KIRREL3: variants seen among roughly 807,000 people sequenced by gnomAD.
KIRREL3 encodes the protein kirre like nephrin family adhesion molecule 3.
In KIRREL3, 36 loss-of-function variants were observed where a neutral mutation model predicts 89.7. The ratio of observed to expected loss-of-function variants is 0.40; its 90% confidence interval spans 0.31 to 0.53. The LOEUF (loss-of-function observed/expected upper bound fraction) is 0.53, where lower values mean the gene tolerates loss of function less well. KIRREL3 is among the 20% of genes least tolerant of loss of function. The pLI, the probability that KIRREL3 is intolerant of heterozygous loss-of-function variation, is 0.49. For synonymous variants in KIRREL3, 445 were observed against 441.4 expected (o/e 1.01, Z -0.10); for missense variants, 864 against 1,056.6 (o/e 0.82, Z 2.53).
chr11:126,824,721 C>A (rs970079671), intron 1 of KIRREL3, among the ~76,000 whole-genome samples: 4 of 152,166 alleles, frequency 2.6e-5, no homozygotes, highest in Non-Finnish European at 5.9e-5. Flanking sequence ...GAAGAATAAC[C>A]ATTTATGCCT....
In KIRREL3 at chr11:126,769,941, C is replaced by T. The variant is rs760461068; in HGVS notation, c.56-207029G>A. ...CGGAGTGTTGGGCACATAGCTAGAG[C>T]TCTGTGGATATTAGCTGTTGATTAT... On this transcript the variant is annotated intron_variant, in intron 1 of 16. Coordinates refer to ENST00000525144, the MANE Select transcript of KIRREL3 (RefSeq NM_032531.4). The surrounding 1 kb of genome is among the most constrained non-coding windows in gnomAD (Gnocchi z 4.3). Among the ~76,000 whole-genome samples the T allele has an allele frequency of 1.3e-5, 2 of 152,154 alleles. No homozygotes were observed. Among genetic ancestry groups the T allele is most frequent in the Admixed American group, 6.5e-5 (1 of 15,284 alleles).
At chr11:126,923,209 T>TCTA (rs1565423517) in intron 1 of KIRREL3, among the ~76,000 whole-genome samples, 1 of 11,608 alleles carries the variant, frequency 8.6e-5, no homozygotes, top group Non-Finnish European at 1.6e-4. Context: ...TTCTTCTTCT[T>TCTA]CTTCTTCTTC....
chr11:126,669,956 C>G lies in KIRREL3; in HGVS notation c.56-107044G>C, dbSNP rs1044886609. 6.6e-6 allele frequency among the ~76,000 whole-genome samples: 1 copy of G among 152,200 alleles called. No homozygotes were observed. Among genetic ancestry groups the G allele is most frequent in the Admixed American group, 6.5e-5 (1 of 15,276 alleles). On this transcript the variant is annotated intron_variant, in intron 1 of 16. Coordinates refer to ENST00000525144, the MANE Select transcript of KIRREL3 (RefSeq NM_032531.4). This position sits in a 1 kb window ranked among gnomAD's most constrained non-coding sequence, Gnocchi z 5.0. ...TTCAGCATGTCAGTGCATTGCAGCA[C>G]CATCCACCCCGTTGCTCAAGCTCAT...
chr11:126,712,823 A>G (rs1256004471), intron 1 of KIRREL3, among the ~76,000 whole-genome samples: 5 of 152,248 alleles, frequency 3.3e-5, no homozygotes, highest in Non-Finnish European at 7.3e-5. Context: ...AAAATGGTCC[A>G]GAGGCCATTC....
At chr11:126,894,622 T>C (rs1946075045) in intron 1 of KIRREL3, among the ~76,000 whole-genome samples, 1 of 133,454 alleles carries the variant, frequency 7.5e-6, no homozygotes, top group South Asian at 2.7e-4. Flanking sequence ...TGGTGTCACA[T>C]ACACCTGTAG....
intron 7 of KIRREL3, among the ~76,000 whole-genome samples, chr11:126,451,047 ATGTGCATG>A (rs1373204283): frequency 1.5e-5 from 2 of 132,858 alleles, no homozygotes; most frequent in Non-Finnish European, 3.2e-5. Flanking sequence ...ATGTGTGAGC[ATGTGCATG>A]TGTGCATGCA....
chr11:126,972,760 A>T (rs999016545), intron 1 of KIRREL3, among the ~76,000 whole-genome samples: 1 of 152,188 alleles, frequency 6.6e-6, no homozygotes, highest in Non-Finnish European at 1.5e-5. Context: ...ACATGTATGT[A>T]CACACACCTT....
At position 126,783,643 on chromosome 11, in the gene KIRREL3, G is replaced by T. The variant is rs917392558; in HGVS notation, c.55+216812C>A. ...AAGCAAGTCCATACTGATGTAAATA[G>T]ATGACTGAAGGAATAAATACAGAAA... On this transcript the variant is annotated intron_variant, in intron 1 of 16. Coordinates refer to ENST00000525144, the MANE Select transcript of KIRREL3 (RefSeq NM_032531.4). The surrounding 1 kb of genome is among the most constrained non-coding windows in gnomAD (Gnocchi z 4.3). Among the ~76,000 whole-genome samples, 5 of 152,250 alleles carry T rather than the reference G, an allele frequency of 3.3e-5. No individual in the cohort carries two copies. Among genetic ancestry groups the T allele is most frequent in the South Asian group, 2.1e-4 (1 of 4,830 alleles).
At chr11:126,680,415 T>TATATATATATAC (rs551073557) in intron 1 of KIRREL3, among the ~76,000 whole-genome samples, 49 of 151,596 alleles carry the variant, frequency 3.2e-4, no homozygotes, top group African/African-American at 9.7e-4. Context: ...TATATATATA[T>TATATATATATAC]ACACATAGCC....
At chr11:126,865,358 AGTTGAGGCTGCCT>A (rs1160970970) in intron 1 of KIRREL3, among the ~76,000 whole-genome samples, 1 of 152,236 alleles carries the variant, frequency 6.6e-6, no homozygotes, top group Non-Finnish European at 1.5e-5. Flanking sequence ...GGCTGCTCTG[AGTTGAGGCTGCCT>A]GCTGCTTTCT....
At position 126,999,868 on chromosome 11, in the gene KIRREL3, T is replaced by A. The variant is rs1160025139; in HGVS notation, c.55+587A>T. 6.6e-6 allele frequency among the ~76,000 whole-genome samples: 1 copy of A among 152,212 alleles called. No homozygotes were observed. On this transcript the variant is annotated intron_variant, in intron 1 of 16. Coordinates refer to ENST00000525144, the MANE Select transcript of KIRREL3 (RefSeq NM_032531.4). This position sits in a 1 kb window ranked among gnomAD's most constrained non-coding sequence, Gnocchi z 5.7. ...GCTGTGTAGGATTCAGAATTCAACC[T>A]AATTTAGGGAACTCGATGACGTTCA...
intron 1 of KIRREL3, among the ~76,000 whole-genome samples, chr11:126,774,611 A>G (rs1950117418): frequency 6.6e-6 from 1 of 152,122 alleles, no homozygotes; most frequent in Non-Finnish European, 1.5e-5. Context: ...CACGCTCTGC[A>G]CCCAAACGCT....
rs1353368114 is a variant in KIRREL3 at position 126,497,187 on chromosome 11, AGTGTGAGTGT to A, written c.434-23731_434-23722del. ...GTGCATGTGTAAGAGAGTGTGTGAG[AGTGTGAGTGT>A]GTGTGAGTGTGAGTGTGTGAGAGTG... On this transcript the variant is annotated intron_variant, in intron 4 of 16. Transcript: ENST00000525144. 7.1e-4 allele frequency among the ~76,000 whole-genome samples: 75 copies of A among 105,148 alleles called. 2 individuals are homozygous for A. In the South Asian group the frequency reaches 0.019, roughly 27 times the overall value. The allele number at this position is 105,148 out of a possible 152,430, so 69.0% of individuals were successfully genotyped here. A position where few individuals can be genotyped will look rare whatever the true frequency, so the allele number is the denominator to read the frequency against.
chr11:126,871,078 T>A, intron 1 of KIRREL3, among the ~76,000 whole-genome samples: 1 of 152,222 alleles, frequency 6.6e-6, no homozygotes, highest in East Asian at 1.9e-4. Context: ...AAGGAGCAGA[T>A]GATGCGAAAT....
chr11:126,646,881 C>T (rs1187216133), intron 1 of KIRREL3, among the ~76,000 whole-genome samples: 2 of 152,156 alleles, frequency 1.3e-5, no homozygotes, highest in African/African-American at 4.8e-5. Context: ...TTCTTTTCTT[C>T]ATGTTGAGAC....
chr11:126,753,676 A>G (rs142544784), intron 1 of KIRREL3, among the ~76,000 whole-genome samples: 7 of 152,264 alleles, frequency 4.6e-5, no homozygotes, highest in Admixed American at 3.3e-4. Context: ...GTATCACCCT[A>G]TAAAGCAGAG....
chr11:126,900,242 T>A lies in KIRREL3; in HGVS notation c.55+100213A>T, dbSNP rs548130410. Among the ~76,000 whole-genome samples the A allele has an allele frequency of 6.6e-6, 1 of 152,236 alleles. No homozygotes were observed. The highest frequency in any genetic ancestry group is 6.5e-5 in the Admixed American group (1 of 15,302). ...AGAACATCGGCCCTTCAGTTTTGGA[T>A]CACTTGAATTATTCAAACCAAAGAC... On this transcript the variant is annotated intron_variant, in intron 1 of 16. Coordinates refer to ENST00000525144, the MANE Select transcript of KIRREL3 (RefSeq NM_032531.4). This position sits in a 1 kb window ranked among gnomAD's most constrained non-coding sequence, Gnocchi z 4.4.
Position 126,684,638 on chromosome 11 carries a change from T to G in KIRREL3, c.56-121726A>C, listed in dbSNP as rs982734073. Among the ~76,000 whole-genome samples the G allele has an allele frequency of 6.6e-6, 1 of 152,238 alleles. No homozygotes were observed. The highest frequency in any genetic ancestry group is 1.5e-5 in the Non-Finnish European group (1 of 68,048). On this transcript the variant is annotated intron_variant, in intron 1 of 16. Transcript: ENST00000525144. This position sits in a 1 kb window ranked among gnomAD's most constrained non-coding sequence, Gnocchi z 4.2. ...GAGGACACTTAGAATTAAATTCATTTCTTTGGGCCAGTCTCCTTTGTCTGC... is the reference window on the plus strand; with the variant it reads ...GAGGACACTTAGAATTAAATTCATTGCTTTGGGCCAGTCTCCTTTGTCTGC...
In KIRREL3 at chr11:126,561,525, C is replaced by T. The variant is rs930955742; in HGVS notation, c.133+1310G>A. 6.6e-6 allele frequency among the ~76,000 whole-genome samples: 1 copy of T among 152,164 alleles called. No homozygotes were observed. Among genetic ancestry groups the T allele is most frequent in the African/African-American group, 2.4e-5 (1 of 41,428 alleles). ...GTCAGTTCCCACAAATTAGAAGTTA[C>T]TGCCTAGCAGTCTTGTCAAGGCAGT... On this transcript the variant is annotated intron_variant, in intron 2 of 16. Coordinates refer to ENST00000525144, the MANE Select transcript of KIRREL3 (RefSeq NM_032531.4). This position sits in a 1 kb window ranked among gnomAD's most constrained non-coding sequence, Gnocchi z 4.5.
Sources: allele counts gnomAD v4.1 joint callset (sites outside exome capture counted in the v4.1 genomes callset), GRCh38; gene constraint gnomAD v4.1.1; non-coding constraint Gnocchi (gnomAD v3.1); transcripts MANE v1.5; gene names NCBI Gene and HGNC (gene_info 2026-07-23, HGNC 2026-07-21).